VKORC1L1: variants seen among roughly 807,000 people sequenced by gnomAD.
VKORC1L1 encodes vitamin K epoxide reductase complex subunit 1-like protein 1.
Under a neutral mutation model 18.9 loss-of-function variants are expected in VKORC1L1, and 2 were observed. That is an observed-to-expected ratio of 0.11 (90% CI 0.04 to 0.33). The LOEUF is 0.33. Among genes scored for constraint, VKORC1L1 ranks in the 10% least tolerant of loss-of-function variants. The probability of loss-of-function intolerance (pLI) is 1.00; values close to 1 mark genes in which losing one functional copy is unlikely to be tolerated. For missense variants in VKORC1L1, 123 were observed against 224.1 expected (o/e 0.55, Z 2.88); for synonymous variants, 96 against 100.0 (o/e 0.96, Z 0.24).
chr7:65,871,356 C>T (rs1176865165), upstream of VKORC1L1, among the ~76,000 whole-genome samples: 1 of 152,024 alleles, frequency 6.6e-6, no homozygotes, highest in Non-Finnish European at 1.5e-5. Flanking sequence ...CCACCGCATC[C>T]GGCTAATTTT....
At chr7:65,885,095 T>G (rs1467815647) in intron 1 of VKORC1L1, among the ~76,000 whole-genome samples, 1 of 152,218 alleles carries the variant, frequency 6.6e-6, no homozygotes, top group East Asian at 1.9e-4. Flanking sequence ...TTGTTAGTTC[T>G]GAAAAACATG....
At chr7:65,894,688 A>G (rs1789163439) in intron 1 of VKORC1L1, among the ~76,000 whole-genome samples, 2 of 152,196 alleles carry the variant, frequency 1.3e-5, no homozygotes, top group Admixed American at 1.3e-4. Context: ...AGATCGCACC[A>G]CTGCACTCCA....
At chr7:65,882,383 A>C (rs1788943083) in intron 1 of VKORC1L1, among the ~76,000 whole-genome samples, 1 of 145,172 alleles carries the variant, frequency 6.9e-6, no homozygotes, top group African/African-American at 2.5e-5. Flanking sequence ...CCGTCTGAAA[A>C]ATAAAATAAA....
At chr7:65,919,224 G>A (rs1251579943) in intron 1 of VKORC1L1, among the ~76,000 whole-genome samples, 1 of 152,176 alleles carries the variant, frequency 6.6e-6, no homozygotes, top group Non-Finnish European at 1.5e-5. Context: ...ATAGTCATAT[G>A]TTTATTAGTC....
At chr7:65,895,514 T>TATATATATATATAC (rs1789192791) in intron 1 of VKORC1L1, among the ~76,000 whole-genome samples, 2 of 77,470 alleles carry the variant, frequency 2.6e-5, no homozygotes, top group African/African-American at 8.6e-5. Context: ...TATATATATA[T>TATATATATATATAC]ATACACACAC....
intron 1 of VKORC1L1, among the ~76,000 whole-genome samples, chr7:65,915,093 C>CTTTTTTTTTTTT (rs35662337): frequency 1.4e-4 from 17 of 123,548 alleles, no homozygotes; most frequent in South Asian, 2.6e-4. Flanking sequence ...TTTTTTTTTT[C>CTTTTTTTTTTTT]TTTTTTTTTT....
At chr7:65,904,794 G>A (rs1256972861) in intron 1 of VKORC1L1, among the ~76,000 whole-genome samples, 4 of 151,986 alleles carry the variant, frequency 2.6e-5, no homozygotes, top group Non-Finnish European at 1.5e-5. Context: ...AAATGTAAAT[G>A]GTCTTGAAAA....
chr7:65,897,515 AGAAT>A (rs1416323181), intron 1 of VKORC1L1, among the ~76,000 whole-genome samples: 2 of 152,240 alleles, frequency 1.3e-5, no homozygotes, highest in African/African-American at 2.4e-5. Context: ...TAGAGCAATA[AGAAT>A]GAATGAATTA....
chr7:65,918,519 A>G (rs1789624890), intron 1 of VKORC1L1, among the ~76,000 whole-genome samples: 1 of 152,218 alleles, frequency 6.6e-6, no homozygotes, highest in Non-Finnish European at 1.5e-5. Context: ...GGTTGATTTA[A>G]GAGTCAAACC....
upstream of VKORC1L1, among the ~76,000 whole-genome samples, chr7:65,870,445 AAAT>A (rs1788712993): frequency 6.6e-6 from 1 of 152,108 alleles, no homozygotes; most frequent in South Asian, 2.1e-4. Flanking sequence ...TTAAAAATAA[AAAT>A]AAAAATAAGT....
intron 1 of VKORC1L1, among the ~76,000 whole-genome samples, chr7:65,904,161 A>C (rs1398762840): frequency 1.3e-5 from 2 of 152,208 alleles, no homozygotes; most frequent in African/African-American, 2.4e-5. Flanking sequence ...AGTTATGACA[A>C]TAGCCCAAAG....
At chr7:65,900,540 C>T (rs752671348) in intron 1 of VKORC1L1, among the ~76,000 whole-genome samples, 5 of 151,814 alleles carry the variant, frequency 3.3e-5, no homozygotes, top group East Asian at 3.9e-4. Context: ...TGGTGGCTCA[C>T]GCCTGTAATC....
At chr7:65,941,839 T>G (rs1016754432) in intron 1 of VKORC1L1, among the ~76,000 whole-genome samples, 1 of 151,772 alleles carries the variant, frequency 6.6e-6, no homozygotes, top group Non-Finnish European at 1.5e-5. Context: ...ACCACGTATT[T>G]GAGTAGAGAT....
intron 1 of VKORC1L1, among the ~76,000 whole-genome samples, chr7:65,874,823 A>G (rs1398929064): frequency 6.6e-6 from 1 of 152,066 alleles, no homozygotes; most frequent in African/African-American, 2.4e-5. Flanking sequence ...TAAATAAAAT[A>G]TAAATAAATA....
At chr7:65,872,747 T>A (rs1788741638), upstream of VKORC1L1, among the ~76,000 whole-genome samples, 1 of 151,972 alleles carries the variant, frequency 6.6e-6, no homozygotes, top group Non-Finnish European at 1.5e-5. Context: ...TAGGTGTGGG[T>A]CTCTGGAGCT....
At chr7:65,894,715 G>A (rs1393086968) in intron 1 of VKORC1L1, among the ~76,000 whole-genome samples, 1 of 152,104 alleles carries the variant, frequency 6.6e-6, no homozygotes, top group Non-Finnish European at 1.5e-5. Context: ...GCGACAGAGC[G>A]AGACTCCGTC....
intron 1 of VKORC1L1, among the ~76,000 whole-genome samples, chr7:65,908,632 T>C (rs1048206103): frequency 7.9e-5 from 12 of 151,584 alleles, no homozygotes; most frequent in African/African-American, 1.9e-4. Flanking sequence ...AGTCAGGAGA[T>C]GGAGACCATC....
chr7:65,884,120 C>T (rs1222491067), intron 1 of VKORC1L1, among the ~76,000 whole-genome samples: 1 of 152,160 alleles, frequency 6.6e-6, no homozygotes, highest in Non-Finnish European at 1.5e-5. Context: ...ACTCTAGAGT[C>T]AACCTGAGTT....
At chr7:65,920,562 T>C (rs976599023) in intron 1 of VKORC1L1, among the ~76,000 whole-genome samples, 1 of 152,092 alleles carries the variant, frequency 6.6e-6, no homozygotes, top group Non-Finnish European at 1.5e-5. Flanking sequence ...TAGGAGAGGA[T>C]AAAATAGAAA....
Sources: allele counts gnomAD v4.1 joint callset (sites outside exome capture counted in the v4.1 genomes callset), GRCh38; gene constraint gnomAD v4.1.1; transcripts MANE v1.5; gene names NCBI Gene and HGNC (gene_info 2026-07-23, HGNC 2026-07-21).